Variants in CACNA2D1 observed in about 807,000 individuals in gnomAD.
The protein encoded by CACNA2D1 is voltage-dependent calcium channel subunit alpha-2/delta-1.
CACNA2D1 carries 53 observed loss-of-function variants against 171.5 expected under a neutral mutation model. That is an observed-to-expected ratio of 0.31 (90% CI 0.25 to 0.39). CACNA2D1 has a LOEUF of 0.39. CACNA2D1 is among the 10% of genes least tolerant of loss of function. The probability of loss-of-function intolerance (pLI) is 1.00; values close to 1 mark genes in which losing one functional copy is unlikely to be tolerated. For missense variants in CACNA2D1, 903 were observed against 1,299.8 expected (o/e 0.69, Z 4.69); for synonymous variants, 442 against 443.1 (o/e 1.00, Z 0.03).
chr7:82,342,878 G>T (rs1818835297), intron 2 of CACNA2D1, among the ~76,000 whole-genome samples: 1 of 152,022 alleles, frequency 6.6e-6, no homozygotes, highest in Non-Finnish European at 1.5e-5. Context: ...TAAAAGGATG[G>T]TTTATATCTT....
intron 19 of CACNA2D1, among the ~76,000 whole-genome samples, chr7:81,995,922 C>T (rs757921927): frequency 6.6e-6 from 1 of 151,860 alleles, no homozygotes; most frequent in Non-Finnish European, 1.5e-5. Flanking sequence ...CATGTGGCTT[C>T]GGGAAGCTGC....
At chr7:82,139,145 A>G (rs1338539697) in intron 4 of CACNA2D1, among the ~76,000 whole-genome samples, 3 of 152,200 alleles carry the variant, frequency 2.0e-5, no homozygotes, top group Non-Finnish European at 4.4e-5. Flanking sequence ...CTCTTTTGGT[A>G]AAATAATGGA....
chr7:82,016,666 C>A (rs996313994), intron 12 of CACNA2D1, among the ~76,000 whole-genome samples: 3 of 135,528 alleles, frequency 2.2e-5, no homozygotes, highest in African/African-American at 5.3e-5. Context: ...ATAAAAGTTT[C>A]ACTTAACTTC....
chr7:82,243,473 A>G (rs1804553654), intron 3 of CACNA2D1, among the ~76,000 whole-genome samples: 1 of 152,230 alleles, frequency 6.6e-6, no homozygotes. Context: ...TACCCGAGTA[A>G]CTATCCAAAT....
At chr7:82,221,892 A>T (rs376491231) in intron 3 of CACNA2D1, among the ~76,000 whole-genome samples, 1 of 151,972 alleles carries the variant, frequency 6.6e-6, no homozygotes, top group Non-Finnish European at 1.5e-5. Flanking sequence ...TGACATGAAG[A>T]AAAAAACTCA....
At chr7:82,316,494 T>A (rs909561391) in intron 3 of CACNA2D1, among the ~76,000 whole-genome samples, 12 of 152,152 alleles carry the variant, frequency 7.9e-5, no homozygotes, top group Non-Finnish European at 1.5e-4. Context: ...TCCGGTTCCT[T>A]AAAATAAGAC....
intron 10 of CACNA2D1, among the ~76,000 whole-genome samples, chr7:82,052,557 C>G (rs529164401): frequency 2.1e-4 from 32 of 152,076 alleles, no homozygotes; most frequent in Non-Finnish European, 3.4e-4. Context: ...CAATTTCAGA[C>G]AGTATATACT....
rs1478773240 is a variant in CACNA2D1 at position 81,956,794 on chromosome 7, T to TAGTAATACATCA, written c.3159+2469_3159+2480dup. On this transcript the variant is annotated intron_variant, in intron 38 of 38. Transcript: ENST00000356860. Reference sequence around the variant, plus strand: ...ACAAACACAACGAAAGTGCGTGCTCTAGTAATACATCATGATGATTCCAGA... The same window carrying TAGTAATACATCA: ...ACAAACACAACGAAAGTGCGTGCTCTAGTAATACATCAAGTAATACATCATGATGATTCCAGA... Among the ~76,000 whole-genome samples the TAGTAATACATCA allele has an allele frequency of 6.6e-5, 10 of 152,222 alleles. No individual in the cohort carries two copies. The East Asian group carries it at 1.9e-3, about 29-fold the overall frequency.
intron 4 of CACNA2D1, among the ~76,000 whole-genome samples, chr7:82,159,887 C>T (rs1297299238): frequency 1.1e-5 from 1 of 88,380 alleles, no homozygotes; most frequent in South Asian, 3.2e-4. Flanking sequence ...GAAAATGTAG[C>T]TCAATTAACG....
intron 1 of CACNA2D1, among the ~76,000 whole-genome samples, chr7:82,353,517 T>C (rs941944275): frequency 1.3e-5 from 2 of 151,960 alleles, no homozygotes; most frequent in Admixed American, 6.6e-5. Context: ...TAAAGATCAA[T>C]GTATAACTCC....
rs1792366667 is a variant in CACNA2D1, at chr7:81,950,265, G to C, written c.*127C>G. On this transcript the variant is annotated 3_prime_UTR_variant, in exon 39 of 39. Transcript: ENST00000356860. Reference sequence around the variant, plus strand: ...TTAGGAGTCTGCGCCTTAGTGTTATGCCATGGAACAGGCCCAGCTAATGTT... The same window carrying C: ...TTAGGAGTCTGCGCCTTAGTGTTATCCCATGGAACAGGCCCAGCTAATGTT... 6.4e-7 allele frequency: 1 copy of C among 1,569,480 alleles called. No homozygotes were observed. Among genetic ancestry groups the C allele is most frequent in the African/African-American group, 1.3e-5 (1 of 74,156 alleles).
intron 2 of CACNA2D1, among the ~76,000 whole-genome samples, chr7:82,343,496 A>G (rs1818914708): frequency 6.6e-6 from 1 of 152,232 alleles, no homozygotes; most frequent in African/African-American, 2.4e-5. Flanking sequence ...GAAAAACTAA[A>G]CTATAACAAA....
rs1488167793 is a variant in CACNA2D1 at position 81,982,931 on chromosome 7, T to C, written c.1895-304A>G. 2.0e-5 allele frequency among the ~76,000 whole-genome samples: 3 copies of C among 152,178 alleles called. No homozygotes were observed. In the East Asian group the frequency reaches 5.8e-4, roughly 29 times the overall value. On this transcript the variant is annotated intron_variant, in intron 23 of 38. Coordinates refer to ENST00000356860, the MANE Select transcript of CACNA2D1 (RefSeq NM_000722.4). ...AATATCTTTTAAAAAGTGATTGATA[T>C]GAATGTTATACCAGAGGTATTTTAA...
chr7:82,326,477 G>T (rs1490457196), intron 3 of CACNA2D1, among the ~76,000 whole-genome samples: 1 of 152,192 alleles, frequency 6.6e-6, no homozygotes, highest in Non-Finnish European at 1.5e-5. Context: ...CATGTGCACA[G>T]TGAAAACAAC....
intron 9 of CACNA2D1, among the ~76,000 whole-genome samples, chr7:82,062,959 C>G (rs1807138157): frequency 6.6e-6 from 1 of 151,786 alleles, no homozygotes; most frequent in Non-Finnish European, 1.5e-5. Context: ...GTTGCTCAGG[C>G]TGGTCTCAAA....
intron 4 of CACNA2D1, among the ~76,000 whole-genome samples, chr7:82,143,386 T>C (rs972993236): frequency 6.6e-6 from 1 of 152,064 alleles, no homozygotes; most frequent in Non-Finnish European, 1.5e-5. Context: ...ATATGAAAAA[T>C]ATCAGGAATA....
intron 3 of CACNA2D1, among the ~76,000 whole-genome samples, chr7:82,226,559 A>G (rs1221735188): frequency 6.6e-6 from 1 of 152,190 alleles, no homozygotes; most frequent in Admixed American, 6.5e-5. Context: ...TCGATTAAAA[A>G]GCAATTGAGC....
intron 1 of CACNA2D1, among the ~76,000 whole-genome samples, chr7:82,354,310 T>C (rs926004490): frequency 5.9e-5 from 9 of 152,256 alleles, no homozygotes; most frequent in African/African-American, 1.4e-4. Context: ...CTGCAATAGG[T>C]AAGAAATCTT....
At chr7:82,247,883 C>G (rs905403291) in intron 3 of CACNA2D1, among the ~76,000 whole-genome samples, 4 of 152,124 alleles carry the variant, frequency 2.6e-5, no homozygotes, top group Non-Finnish European at 4.4e-5. Context: ...GGGCGAAGTC[C>G]CTTAGCCTTC....
Sources: allele counts gnomAD v4.1 joint callset (sites outside exome capture counted in the v4.1 genomes callset), GRCh38; gene constraint gnomAD v4.1.1; transcripts MANE v1.5; gene names NCBI Gene and HGNC (gene_info 2026-07-23, HGNC 2026-07-21).